The following NR6A1 variants were observed in gnomAD, a reference collection of about 807,000 sequenced individuals.
NR6A1 encodes nuclear receptor subfamily 6 group A member 1, also known as retinoic acid receptor-related testis-associated receptor.
A neutral mutation model predicts 59.1 loss-of-function variants in NR6A1; 7 were observed. The observed-to-expected ratio is 0.12, with a 90% CI of 0.07 to 0.22. The LOEUF (loss-of-function observed/expected upper bound fraction) is 0.22, where lower values mean the gene tolerates loss of function less well. NR6A1 is among the 10% of genes least tolerant of loss of function. The pLI, the probability that NR6A1 is intolerant of heterozygous loss-of-function variation, is 1.00. For synonymous variants in NR6A1, 243 were observed against 236.1 expected (o/e 1.03, Z -0.27); for missense variants, 468 against 611.6 (o/e 0.77, Z 2.48).
intron 1 of NR6A1, among the ~76,000 whole-genome samples, chr9:124,756,778 T>C (rs1022090902): frequency 1.1e-4 from 17 of 152,166 alleles, no homozygotes; most frequent in Admixed American, 1.0e-3. Flanking sequence ...TGGGAGATGA[T>C]ATAATTGTAT....
chr9:124,749,816 A>G (rs1316597843), intron 1 of NR6A1, among the ~76,000 whole-genome samples: 4 of 152,322 alleles, frequency 2.6e-5, no homozygotes, highest in African/African-American at 4.8e-5. Context: ...GATACCTATT[A>G]TAAGTTCCAC....
At chr9:124,753,438 A>T (rs1189238132) in intron 1 of NR6A1, among the ~76,000 whole-genome samples, 4 of 152,240 alleles carry the variant, frequency 2.6e-5, no homozygotes, top group East Asian at 1.9e-4. Context: ...TTCAATATTT[A>T]AAAAATTAAA....
intron 2 of NR6A1, among the ~76,000 whole-genome samples, chr9:124,723,641 A>G (rs1018217379): frequency 6.6e-6 from 1 of 152,258 alleles, no homozygotes; most frequent in Admixed American, 6.5e-5. Context: ...GTGCAGAAAG[A>G]CTGAGAATTT....
chr9:124,687,695 T>A (rs902335655), intron 2 of NR6A1, among the ~76,000 whole-genome samples: 9 of 152,192 alleles, frequency 5.9e-5, no homozygotes, highest in Admixed American at 1.3e-4. Context: ...ACACATTATT[T>A]TGGCCTAACT....
intron 2 of NR6A1, among the ~76,000 whole-genome samples, chr9:124,609,723 G>A (rs866551669): frequency 2.0e-5 from 3 of 152,304 alleles, no homozygotes. Context: ...TGACAATATT[G>A]ATTCTTCCTA....
At chr9:124,720,656 C>A (rs529089740) in intron 2 of NR6A1, among the ~76,000 whole-genome samples, 1 of 151,952 alleles carries the variant, frequency 6.6e-6, no homozygotes, top group Non-Finnish European at 1.5e-5. Flanking sequence ...AAAACAAAAA[C>A]AAAGTAGCTT....
At chr9:124,598,480 A>G (rs937661844) in intron 2 of NR6A1, among the ~76,000 whole-genome samples, 4 of 152,042 alleles carry the variant, frequency 2.6e-5, no homozygotes, top group Non-Finnish European at 4.4e-5. Flanking sequence ...GAAATGTGGG[A>G]AAAAAGTAGA....
intron 2 of NR6A1, among the ~76,000 whole-genome samples, chr9:124,558,810 C>T (rs1323823521): frequency 1.3e-5 from 2 of 152,056 alleles, no homozygotes; most frequent in East Asian, 3.9e-4. Context: ...AAGTCAGTCC[C>T]TTCCCCACTG....
intron 1 of NR6A1, among the ~76,000 whole-genome samples, chr9:124,751,985 A>C (rs1056337358): frequency 2.6e-5 from 4 of 152,186 alleles, no homozygotes; most frequent in Non-Finnish European, 4.4e-5. Flanking sequence ...AAATTAAATA[A>C]AACAGAAGGG....
chr9:124,586,437 G>A (rs1317433695), intron 2 of NR6A1, among the ~76,000 whole-genome samples: 1 of 151,650 alleles, frequency 6.6e-6, no homozygotes. Context: ...TGCTGCAATT[G>A]CATGATAATT....
intron 2 of NR6A1, among the ~76,000 whole-genome samples, chr9:124,722,768 A>G (rs369346013): frequency 5.9e-5 from 9 of 152,254 alleles, no homozygotes; most frequent in African/African-American, 2.2e-4. Flanking sequence ...CCCAGGCTAG[A>G]ATGCAGTGGT....
At chr9:124,626,603 G>GCAAAA (rs1836247191) in intron 2 of NR6A1, among the ~76,000 whole-genome samples, 1 of 152,104 alleles carries the variant, frequency 6.6e-6, no homozygotes, top group Non-Finnish European at 1.5e-5. Flanking sequence ...GTCACTTTTT[G>GCAAAA]GCCTGCTGCC....
Position 124,711,045 on chromosome 9 carries a change from T to C in NR6A1, c.142+22263A>G, listed in dbSNP as rs117795326. On this transcript the variant is annotated intron_variant, in intron 2 of 9. Coordinates refer to ENST00000487099, the MANE Select transcript of NR6A1 (RefSeq NM_033334.4). ...TATGTCATGTTTCAAATATGAACCATACCCAATTGTTAAAGCGCATCTATC... is the reference window on the plus strand; with the variant it reads ...TATGTCATGTTTCAAATATGAACCACACCCAATTGTTAAAGCGCATCTATC... Among the ~76,000 whole-genome samples the C allele has an allele frequency of 6.8e-4, 103 of 152,222 alleles. 2 individuals carry two copies. The East Asian group carries it at 0.018, about 27-fold the overall frequency.
intron 2 of NR6A1, among the ~76,000 whole-genome samples, chr9:124,709,412 G>C (rs1839213484): frequency 6.6e-6 from 1 of 152,128 alleles, no homozygotes; most frequent in Non-Finnish European, 1.5e-5. Context: ...TCTGTGTCAA[G>C]CATGGGTGCT....
intron 2 of NR6A1, among the ~76,000 whole-genome samples, chr9:124,703,032 G>C (rs1564245568): frequency 6.6e-6 from 1 of 151,552 alleles, no homozygotes; most frequent in Non-Finnish European, 1.5e-5. Flanking sequence ...AGCCTCCTGA[G>C]TAGCTGAAAT....
intron 1 of NR6A1, among the ~76,000 whole-genome samples, chr9:124,737,060 CTAA>C (rs1840039570): frequency 1.3e-5 from 2 of 152,162 alleles, no homozygotes; most frequent in Admixed American, 1.3e-4. Context: ...CCTAATATCA[CTAA>C]TGTCACTTTG....
intron 2 of NR6A1, among the ~76,000 whole-genome samples, chr9:124,711,187 T>TA (rs58609931): frequency 0.049 from 3,223 of 66,434 alleles, 204 homozygotes; most frequent in Non-Finnish European, 0.058. Flanking sequence ...AGCTAAGGTT[T>TA]AAAAAAAAAA....
chr9:124,712,181 AAGG>A (rs1431569027), intron 2 of NR6A1, among the ~76,000 whole-genome samples: 3 of 152,220 alleles, frequency 2.0e-5, no homozygotes, highest in African/African-American at 7.2e-5. Context: ...TTAAAAACTG[AAGG>A]AGGAGGAGAG....
At chr9:124,525,542 A>G (rs1234127594) in intron 8 of NR6A1, among the ~76,000 whole-genome samples, 2 of 152,016 alleles carry the variant, frequency 1.3e-5, no homozygotes, top group Non-Finnish European at 2.9e-5. Context: ...TTTTCTGTAG[A>G]GATGGGGTCT....
Sources: allele counts gnomAD v4.1 joint callset (sites outside exome capture counted in the v4.1 genomes callset), GRCh38; gene constraint gnomAD v4.1.1; transcripts MANE v1.5; gene names NCBI Gene and HGNC (gene_info 2026-07-23, HGNC 2026-07-21).